HSD3B1: variants seen among roughly 807,000 people sequenced by gnomAD.
HSD3B1 encodes the protein 3 beta-hydroxysteroid dehydrogenase/Delta 5-->4-isomerase type 1.
In HSD3B1, 11 loss-of-function variants were observed where a neutral mutation model predicts 10.4. That is an observed-to-expected ratio of 1.05 (90% CI 0.66 to 1.75). The LOEUF (loss-of-function observed/expected upper bound fraction) is 1.75, where lower values mean the gene tolerates loss of function less well. Among genes scored for constraint, HSD3B1 ranks in the 40% most tolerant of loss-of-function variants. HSD3B1 has a pLI of 0.00. For missense variants in HSD3B1, 490 were observed against 454.5 expected (o/e 1.08, Z -0.71); for synonymous variants, 217 against 185.4 (o/e 1.17, Z -1.39).
intron 3 of HSD3B1, 89 bp from the exon 4 acceptor site, chr1:119,513,745 A>AG: frequency 8.2e-7 from 1 of 1,217,272 alleles, no homozygotes; most frequent in Non-Finnish European, 1.2e-6. Flanking sequence ...CATATTTGGG[A>AG]GTGGGGGGTG....
intron 2 of HSD3B1, among the ~76,000 whole-genome samples, chr1:119,510,333 GT>G (rs1277883356): frequency 9.9e-5 from 15 of 152,144 alleles, no homozygotes; most frequent in Non-Finnish European, 2.1e-4. Context: ...TCTGATAATA[GT>G]TTTCCAGGGA....
At chr1:119,510,502 A>C (rs904487903) in intron 2 of HSD3B1, among the ~76,000 whole-genome samples, 1 of 151,914 alleles carries the variant, frequency 6.6e-6, no homozygotes, top group Admixed American at 6.6e-5. Context: ...TCTGAAATTC[A>C]AACCTGGTAT....
chr1:119,508,584 C>T (rs1653854398), intron 2 of HSD3B1, among the ~76,000 whole-genome samples: 1 of 152,170 alleles, frequency 6.6e-6, no homozygotes, highest in African/African-American at 2.4e-5. Context: ...CAGACCAGAG[C>T]TTTATCCATA....
intron 2 of HSD3B1, among the ~76,000 whole-genome samples, chr1:119,510,414 G>C (rs1557895004): frequency 6.6e-6 from 1 of 152,148 alleles, no homozygotes; most frequent in East Asian, 1.9e-4. Context: ...GCCCAAGCAG[G>C]AAACTGTAGG....
intron 3 of HSD3B1, chr1:119,511,946 G>C (rs1653950090): frequency 2.6e-6 from 1 of 383,630 alleles, no homozygotes; most frequent in Non-Finnish European, 4.9e-6. Context: ...GACTCCAAAG[G>C]CTCTTTCTAC....
intron 2 of HSD3B1, 112 bp from the exon 3 acceptor site, chr1:119,511,391 T>A: frequency 9.8e-7 from 1 of 1,018,902 alleles, no homozygotes; most frequent in Non-Finnish European, 1.5e-6. Flanking sequence ...CACCCTCCAC[T>A]CTAACACCCT....
Position 119,514,256 on chromosome 1 carries a change from A to G in HSD3B1, c.733A>G (p.Lys245Glu), listed in dbSNP as rs777995792. Residue 245 changes from lysine (K) to glutamate (E), a missense_variant, in exon 4 of 4, where the codon AAG becomes GAG. Coordinates refer to ENST00000369413, the MANE Select transcript of HSD3B1 (RefSeq NM_000862.3). ...LALRALQDPK[K>E]APSIRGQFYY... is the part of the protein sequence containing the mutation. ...CTTGAGGGCCCTGCAGGACCCCAAG[A>G]AGGCCCCAAGCATCCGAGGACAGTT... 1 of 1,614,120 alleles carries G rather than the reference A, an allele frequency of 6.2e-7. No homozygotes were observed. Among genetic ancestry groups the G allele is most frequent in the Non-Finnish European group, 8.5e-7 (1 of 1,179,992 alleles).
intron 3 of HSD3B1, among the ~76,000 whole-genome samples, chr1:119,512,957 C>T (rs1653978325): frequency 6.6e-6 from 1 of 152,164 alleles, no homozygotes; most frequent in South Asian, 2.1e-4. Flanking sequence ...GAAATTCCTT[C>T]CTTCTTCAAG....
rs1362204182 is a variant in HSD3B1, at chr1:119,513,844, C to T, written c.321C>T (p.Leu107=). 1 of 1,613,750 alleles carries T rather than the reference C, an allele frequency of 6.2e-7. No individual in the cohort carries two copies. The highest frequency in any genetic ancestry group is 1.1e-5 in the South Asian group (1 of 91,054). Residue 107 remains leucine (L), a synonymous_variant, in exon 4 of 4, where the codon CTC becomes CTT. Transcript: ENST00000369413. ...IMNVNVKGTQ[L]LLEACVQASV... is the part of the protein sequence containing the mutation. ...GCTCTTCATGGACAGGTACCCAGCTCCTGTTAGAGGCCTGTGTCCAAGCTA... is the reference window on the plus strand; with the variant it reads ...GCTCTTCATGGACAGGTACCCAGCTTCTGTTAGAGGCCTGTGTCCAAGCTA...
Position 119,511,591 on chromosome 1 carries a change from C to T in HSD3B1, c.234C>T (p.Val78=), listed in dbSNP as rs1174624760. The T allele has an allele frequency of 6.2e-7, 1 of 1,613,642 alleles. No homozygotes were observed. The highest frequency in any genetic ancestry group is 1.7e-5 in the Admixed American group (1 of 60,002). ...AGAGAGCCTGCCAGGACGTCTCGGT[C>T]ATCATCCACACCGCCTGTATCATTG... is the stretch of plus-strand genomic sequence containing the variant. The part of the protein sequence containing the change: ...FLKRACQDVS[V]IIHTACIIDV... The change falls in exon 3 of 4, where the codon GTC becomes GTT. Residue 78 remains valine (V), a synonymous_variant. Transcript: ENST00000369413.
In HSD3B1 at chr1:119,507,558, G is replaced by A; in HGVS notation, c.82G>A (p.Glu28Lys). The A allele has an allele frequency of 1.2e-6, 2 of 1,614,068 alleles. No individual in the cohort carries two copies. Among genetic ancestry groups the A allele is most frequent in the East Asian group, 2.2e-5 (1 of 44,866 alleles). The change falls in exon 2 of 4, where the codon GAG becomes AAG. Residue 28 changes from glutamate to lysine, a missense_variant. Coordinates refer to ENST00000369413, the MANE Select transcript of HSD3B1 (RefSeq NM_000862.3). ...RIIRLLVKEKELKEIRVLDKA... is the reference protein window; with the variant it reads ...RIIRLLVKEKKLKEIRVLDKA... Reference sequence around the variant, plus strand: ...CATCCGCCTCTTGGTGAAGGAGAAGGAGCTGAAGGAGATCAGGGTCTTGGA... The same window carrying A: ...CATCCGCCTCTTGGTGAAGGAGAAGAAGCTGAAGGAGATCAGGGTCTTGGA...
At chr1:119,507,916 CT>C (rs1243529804) in intron 2 of HSD3B1, 3 of 326,778 alleles carry the variant, frequency 9.2e-6, no homozygotes, top group Non-Finnish European at 1.7e-5. Context: ...AGTTCTTTGT[CT>C]TGTCTGCAAC....
Position 119,514,217 on chromosome 1 carries a change from G to A in HSD3B1, c.694G>A (p.Ala232Thr). ...AGTCTATGTTGGCAATGTGGCCTGG[G>A]CCCACATTCTGGCCTTGAGGGCCCT... ...NPVYVGNVAW[A>T]HILALRALQD... The change falls in exon 4 of 4, where the codon GCC (alanine) becomes ACC (threonine). Residue 232 changes from alanine (A) to threonine (T), a missense_variant. Transcript: ENST00000369413. 1.2e-6 allele frequency: 2 copies of A among 1,614,084 alleles called. No homozygotes were observed. The highest frequency in any genetic ancestry group is 1.7e-5 in the Admixed American group (1 of 60,004).
At chr1:119,508,560 T>C (rs1307881614) in intron 2 of HSD3B1, among the ~76,000 whole-genome samples, 1 of 152,198 alleles carries the variant, frequency 6.6e-6, no homozygotes, top group Admixed American at 6.5e-5. Flanking sequence ...ATCTGATTGA[T>C]GCGTAGCAGA....
chr1:119,508,905 T>A (rs587776310), intron 2 of HSD3B1, among the ~76,000 whole-genome samples: 1 of 152,354 alleles, frequency 6.6e-6, no homozygotes, highest in East Asian at 1.9e-4. Context: ...ATGAAATGCT[T>A]ATAATCCTTG....
At chr1:119,512,327 C>T (rs1653961936) in intron 3 of HSD3B1, among the ~76,000 whole-genome samples, 1 of 152,148 alleles carries the variant, frequency 6.6e-6, no homozygotes, top group South Asian at 2.1e-4. Context: ...CAGCCAGGTG[C>T]CCAAAGTGCA....
chr1:119,511,767 G>A, intron 3 of HSD3B1, 100 bp downstream of exon 3: 1 of 1,179,722 alleles, frequency 8.5e-7, no homozygotes, highest in Non-Finnish European at 1.3e-6. Context: ...CACCTGCTGT[G>A]CTCTGGGCCA....
At position 119,514,451 on chromosome 1, in the gene HSD3B1, ACCT is replaced by A; in HGVS notation, c.929_931del (p.Thr310_Tyr311delinsAsn). The A allele has an allele frequency of 1.2e-6, 2 of 1,613,924 alleles. No individual in the cohort carries two copies. Among genetic ancestry groups the A allele is most frequent in the Non-Finnish European group, 1.7e-6 (2 of 1,179,948 alleles). On this transcript the variant is annotated inframe_deletion, in exon 4 of 4. Transcript: ENST00000369413. ...GAGCTTCCTACTCAGGCCAATTTACACCTATCGACCGCCCTTCAACCGCCACAT... is the reference window on the plus strand; with the variant it reads ...GAGCTTCCTACTCAGGCCAATTTACAATCGACCGCCCTTCAACCGCCACAT...
At chr1:119,509,088 T>C (rs917654900) in intron 2 of HSD3B1, among the ~76,000 whole-genome samples, 2 of 152,244 alleles carry the variant, frequency 1.3e-5, no homozygotes, top group Admixed American at 6.5e-5. Flanking sequence ...TGCCAGGCAC[T>C]TGGCCAAAGG....
Sources: gnomAD v4.1 joint callset for allele counts (sites outside exome capture counted in the v4.1 genomes callset) on GRCh38, gnomAD v4.1.1 for gene constraint, MANE v1.5 for transcripts, NCBI Gene and HGNC (gene_info 2026-07-23, HGNC 2026-07-21) for gene names.